The following TAFA5 variants were observed in gnomAD, a reference collection of about 807,000 sequenced individuals.
The protein encoded by TAFA5 is TAFA chemokine like family member 5.
TAFA5 carries 6 observed loss-of-function variants against 15.3 expected under a neutral mutation model. The observed-to-expected ratio is 0.39, with a 90% CI of 0.21 to 0.77. The LOEUF (loss-of-function observed/expected upper bound fraction) is 0.77, where lower values mean the gene tolerates loss of function less well. TAFA5 is among the 30% of genes least tolerant of loss of function. The probability of loss-of-function intolerance (pLI) is 0.41; values close to 1 mark genes in which losing one functional copy is unlikely to be tolerated. For synonymous variants in TAFA5, 103 were observed against 80.7 expected (o/e 1.28, Z -1.48); for missense variants, 161 against 193.1 (o/e 0.83, Z 0.98).
chr22:48,630,146 A>C (rs1355435523), intron 1 of TAFA5, among the ~76,000 whole-genome samples: 1 of 151,470 alleles, frequency 6.6e-6, no homozygotes, highest in South Asian at 2.1e-4. Context: ...CTCTGCTTGC[A>C]GAACGGGGGC....
chr22:48,634,849 A>T (rs1926390359), intron 1 of TAFA5, among the ~76,000 whole-genome samples: 1 of 152,216 alleles, frequency 6.6e-6, no homozygotes, highest in African/African-American at 2.4e-5. Flanking sequence ...CCAGTCATTC[A>T]TGAAGTGCAG....
At chr22:48,633,510 CTGTCTGTCTG>C (rs1331468250) in intron 1 of TAFA5, among the ~76,000 whole-genome samples, 871 of 73,348 alleles carry the variant, frequency 0.012, 21 homozygotes, top group African/African-American at 0.04. Flanking sequence ...GTCTGTCTGT[CTGTCTGTCTG>C]TCTGTCTGTC....
chr22:48,585,055 A>AG (rs1491251727), intron 1 of TAFA5, among the ~76,000 whole-genome samples: 4 of 456 alleles, frequency 8.8e-3, no homozygotes, highest in African/African-American at 0.026. Context: ...CACCACTCAC[A>AG]AAAACATCAC....
At chr22:48,581,518 C>T (rs770159115) in intron 1 of TAFA5, among the ~76,000 whole-genome samples, 22 of 152,146 alleles carry the variant, frequency 1.4e-4, no homozygotes, top group South Asian at 2.1e-4. Flanking sequence ...GGTTTTTGCC[C>T]GTCTCTGGGC....
intron 1 of TAFA5, among the ~76,000 whole-genome samples, chr22:48,634,292 G>A (rs144003834): frequency 8.0e-5 from 12 of 150,226 alleles, no homozygotes; most frequent in East Asian, 3.9e-4. Context: ...TCACTCATTC[G>A]TTAACTCACT....
Position 48,642,067 on chromosome 22 carries a change from G to A in TAFA5, c.113-4530G>A, listed in dbSNP as rs1396690905. Among the ~76,000 whole-genome samples the A allele has an allele frequency of 4.0e-5, 6 of 151,888 alleles. No individual in the cohort carries two copies. The East Asian group carries it at 9.7e-4, about 25-fold the overall frequency. ...ATGCTGAGGGGGGCAGCCTGGTGGA[G>A]GGGCCTGCACTTTTCTGAGGGGGGC... On this transcript the variant is annotated intron_variant, in intron 1 of 3. Transcript: ENST00000402357.
intron 1 of TAFA5, among the ~76,000 whole-genome samples, chr22:48,491,385 A>G (rs1459671318): frequency 4.0e-5 from 6 of 151,566 alleles, no homozygotes; most frequent in African/African-American, 7.3e-5. Flanking sequence ...GAGAGGAGAG[A>G]GAGGAGAGGA....
intron 2 of TAFA5, among the ~76,000 whole-genome samples, chr22:48,675,024 C>A (rs1430519088): frequency 6.6e-6 from 1 of 151,902 alleles, no homozygotes; most frequent in Non-Finnish European, 1.5e-5. Context: ...TCACTGCACC[C>A]TCCGCCTCCT....
chr22:48,602,792 G>A (rs28444805), intron 1 of TAFA5, among the ~76,000 whole-genome samples: 1 of 152,130 alleles, frequency 6.6e-6, no homozygotes, highest in African/African-American at 2.4e-5. Context: ...GTCAGTGGGT[G>A]CCAAGAGATG....
chr22:48,517,881 C>A (rs989828001), intron 1 of TAFA5, among the ~76,000 whole-genome samples: 4 of 152,248 alleles, frequency 2.6e-5, no homozygotes, highest in African/African-American at 9.6e-5. Context: ...TCTGGCAAAG[C>A]CCCCTCTGTT....
chr22:48,619,542 G>A (rs1925731401), intron 1 of TAFA5, among the ~76,000 whole-genome samples: 1 of 152,200 alleles, frequency 6.6e-6, no homozygotes, highest in African/African-American at 2.4e-5. Flanking sequence ...TTTTAGTAGA[G>A]ACTGGGTCTT....
chr22:48,516,284 C>A (rs1921403450), intron 1 of TAFA5, among the ~76,000 whole-genome samples: 1 of 152,208 alleles, frequency 6.6e-6, no homozygotes, highest in Admixed American at 6.5e-5. Flanking sequence ...TTTTTAACTA[C>A]ATATTAACGG....
At chr22:48,746,309 C>T (rs1930326470) in intron 3 of TAFA5, among the ~76,000 whole-genome samples, 1 of 151,984 alleles carries the variant, frequency 6.6e-6, no homozygotes, top group Non-Finnish European at 1.5e-5. Context: ...CCCCAGTCAC[C>T]CGTCACTCTC....
intron 2 of TAFA5, among the ~76,000 whole-genome samples, chr22:48,675,639 G>T (rs575404900): frequency 6.6e-6 from 1 of 152,264 alleles, no homozygotes; most frequent in Non-Finnish European, 1.5e-5. Context: ...GGCATGTGCC[G>T]AGGTTGCTCT....
At chr22:48,638,151 C>T (rs28685858) in intron 1 of TAFA5, among the ~76,000 whole-genome samples, 13 of 152,200 alleles carry the variant, frequency 8.5e-5, no homozygotes, top group African/African-American at 3.1e-4. Flanking sequence ...AGTGCCAGTC[C>T]AGTTGCTGGC....
Position 48,751,102 on chromosome 22 carries a change from G to C in TAFA5, c.*1255G>C, listed in dbSNP as rs1331347381. 1 of 152,324 alleles carries C rather than the reference G, an allele frequency of 6.6e-6. No homozygotes were observed. Among genetic ancestry groups the C allele is most frequent in the South Asian group, 2.1e-4 (1 of 4,838 alleles). The allele number at this position is 152,324 out of a possible 1,614,324, so 9.4% of individuals were successfully genotyped here. ...CCGGGTTCCCCTCGCTGCGGGCCAG[G>C]CTTGGCTCCTGATTCCCTCTCTGGT... On this transcript the variant is annotated 3_prime_UTR_variant, in exon 4 of 4. Coordinates refer to ENST00000402357, the MANE Select transcript of TAFA5 (RefSeq NM_001082967.3).
intron 2 of TAFA5, among the ~76,000 whole-genome samples, chr22:48,648,181 G>A (rs939476090): frequency 2.0e-5 from 3 of 152,076 alleles, no homozygotes; most frequent in African/African-American, 4.8e-5. Flanking sequence ...CTGGGGACGC[G>A]GTGCAGGGAC....
chr22:48,538,001 C>T (rs1433023685), intron 1 of TAFA5, among the ~76,000 whole-genome samples: 2 of 152,224 alleles, frequency 1.3e-5, no homozygotes, highest in African/African-American at 4.8e-5. Context: ...CTCTCTGTCA[C>T]CAGCGCACGG....
At chr22:48,556,032 T>G (rs961671554) in intron 1 of TAFA5, among the ~76,000 whole-genome samples, 1 of 152,160 alleles carries the variant, frequency 6.6e-6, no homozygotes. Context: ...TTGGGATTCA[T>G]GGACCAGGCT....
Sources: gnomAD v4.1 joint callset for allele counts (sites outside exome capture counted in the v4.1 genomes callset) on GRCh38, gnomAD v4.1.1 for gene constraint, MANE v1.5 for transcripts, NCBI Gene and HGNC (gene_info 2026-07-23, HGNC 2026-07-21) for gene names.